The following EIF1AX variants were observed in gnomAD, a reference collection of about 807,000 sequenced individuals.
EIF1AX encodes the protein eukaryotic translation initiation factor 1A X-linked.
EIF1AX carries 1 observed loss-of-function variant against 16.1 expected under a neutral mutation model. The observed-to-expected ratio is 0.06, with a 90% CI of 0.02 to 0.30. The LOEUF (loss-of-function observed/expected upper bound fraction) is 0.30. EIF1AX is among the 10% of genes least tolerant of loss of function. EIF1AX has a pLI of 1.00. For missense variants in EIF1AX, 11 were observed against 109.1 expected (o/e 0.10, Z 4.00); for synonymous variants, 32 against 37.3 (o/e 0.86, Z 0.51).
intron 1 of EIF1AX, among the ~76,000 whole-genome samples, chrX:20,141,274 G>T (rs2067033212): frequency 9.0e-6 from 1 of 111,590 alleles, no homozygotes; most frequent in Admixed American, 9.4e-5. Context: ...GCCCGGGAAG[G>T]CCAAAGGGGC....
intron 2 of EIF1AX, among the ~76,000 whole-genome samples, chrX:20,137,534 T>C (rs1487450612): frequency 2.7e-5 from 3 of 111,986 alleles, no homozygotes; most frequent in Non-Finnish European, 5.6e-5. Context: ...GCACTAATAC[T>C]GCAACTTTCT....
intron 3 of EIF1AX, among the ~76,000 whole-genome samples, chrX:20,134,661 C>T (rs1191845719): frequency 9.1e-6 from 1 of 110,469 alleles, no homozygotes; most frequent in Admixed American, 9.6e-5. Flanking sequence ...ACACTTGAAT[C>T]TGGGAGGCGG....
chrX:20,131,391 G>A (rs2067000737), intron 5 of EIF1AX, among the ~76,000 whole-genome samples: 1 of 111,041 alleles, frequency 9.0e-6, no homozygotes, highest in South Asian at 3.8e-4. Flanking sequence ...CGAGCACTTT[G>A]GTAGGCAGAG....
At chrX:20,134,960 A>G (rs985338430) in intron 3 of EIF1AX, among the ~76,000 whole-genome samples, 1 of 111,778 alleles carries the variant, frequency 8.9e-6, no homozygotes, top group Non-Finnish European at 1.9e-5. Flanking sequence ...CAATGCTTAT[A>G]TAACTCATAT....
rs753409110 is a variant in EIF1AX at position 20,134,181 on chromosome X, G to A, written c.205-174C>T. On this transcript the variant is annotated intron_variant, in intron 3 of 6. Transcript: ENST00000379607. The stretch of plus-strand genomic sequence containing the variant: ...GTGGGCGGATCACCTGAGGTCAGGA[G>A]TTCGAGACCATCCTGGCCAACATGG... Among the ~76,000 whole-genome samples the A allele has an allele frequency of 2.7e-5, 3 of 112,149 alleles. No homozygotes were observed. In the East Asian group the frequency reaches 8.4e-4, roughly 31 times the overall value.
At chrX:20,129,573 C>T (rs892542307) in intron 6 of EIF1AX, among the ~76,000 whole-genome samples, 2 of 112,497 alleles carry the variant, frequency 1.8e-5, no homozygotes, top group African/African-American at 6.5e-5. Context: ...CATTCAATTA[C>T]AGTAACAGCA....
chrX:20,140,725 G>T (rs2067031383), intron 1 of EIF1AX, among the ~76,000 whole-genome samples: 1 of 111,956 alleles, frequency 8.9e-6, no homozygotes, highest in Non-Finnish European at 1.9e-5. Context: ...TCTCCTGTAG[G>T]AAAATACAGT....
At chrX:20,141,218 G>A (rs940806931) in intron 1 of EIF1AX, among the ~76,000 whole-genome samples, 1 of 111,297 alleles carries the variant, frequency 9.0e-6, no homozygotes, top group Admixed American at 9.5e-5. Context: ...AATGCAGACA[G>A]CACTCTGAAA....
intron 6 of EIF1AX, among the ~76,000 whole-genome samples, chrX:20,128,966 C>A (rs2066993259): frequency 9.1e-6 from 1 of 109,330 alleles, no homozygotes; most frequent in Non-Finnish European, 1.9e-5. Context: ...GCCTTCTACC[C>A]CTGCTCAGAT....
intron 1 of EIF1AX, among the ~76,000 whole-genome samples, chrX:20,141,303 C>A (rs1297850990): frequency 8.9e-6 from 1 of 111,832 alleles, no homozygotes; most frequent in Non-Finnish European, 1.9e-5. Flanking sequence ...TAAACCTAGG[C>A]CGCCCCGGGG....
intron 3 of EIF1AX, among the ~76,000 whole-genome samples, chrX:20,135,138 A>T (rs1031583225): frequency 1.9e-5 from 2 of 103,094 alleles, no homozygotes; most frequent in Non-Finnish European, 3.9e-5. Context: ...TCATGACAGT[A>T]ACATTGCATT....
intron 3 of EIF1AX, among the ~76,000 whole-genome samples, chrX:20,135,109 T>TG (rs1164610739): frequency 9.2e-6 from 1 of 108,374 alleles, no homozygotes; most frequent in African/African-American, 3.4e-5. Flanking sequence ...GCTTTTTTTT[T>TG]TTTTTTTTTT....
chrX:20,141,374 G>T (rs1292732305), intron 1 of EIF1AX, among the ~76,000 whole-genome samples: 1 of 111,845 alleles, frequency 8.9e-6, no homozygotes, highest in Admixed American at 9.4e-5. Context: ...AGGAGCAAAA[G>T]CCCACATTCT....
At chrX:20,131,016 A>AT (rs969155750) in intron 5 of EIF1AX, among the ~76,000 whole-genome samples, 2 of 112,224 alleles carry the variant, frequency 1.8e-5, no homozygotes, top group African/African-American at 6.5e-5. Flanking sequence ...TCCTATATAC[A>AT]TTAACATTTC....
chrX:20,133,722 T>C (rs1353095440), intron 4 of EIF1AX, among the ~76,000 whole-genome samples: 4 of 111,711 alleles, frequency 3.6e-5, no homozygotes, highest in Non-Finnish European at 5.6e-5. Flanking sequence ...TATGTTGTGA[T>C]GTGTATTGTA....
intron 4 of EIF1AX, among the ~76,000 whole-genome samples, chrX:20,132,743 C>G (rs1191474806): frequency 8.9e-6 from 1 of 112,106 alleles, no homozygotes; most frequent in African/African-American, 3.2e-5. Flanking sequence ...GCTTTTATAT[C>G]TTCTGAAGAC....
intron 1 of EIF1AX, chrX:20,139,883 G>A (rs996136539): frequency 8.9e-6 from 1 of 111,958 alleles, no homozygotes; most frequent in Non-Finnish European, 1.9e-5. Flanking sequence ...TGGGTTCCCA[G>A]GTATATCATG....
Position 20,125,356 on chromosome X carries a change from A to G in EIF1AX, c.*2950T>C, listed in dbSNP as rs2066982146. The stretch of plus-strand genomic sequence containing the variant: ...ATTTTGCTCTTTTCTGAATAGGAAG[A>G]AAAAAAGCAAAGATAAAAAGGATGG... On this transcript the variant is annotated 3_prime_UTR_variant, in exon 7 of 7. Coordinates refer to ENST00000379607, the MANE Select transcript of EIF1AX (RefSeq NM_001412.4). 5.8e-6 allele frequency: 1 copy of G among 171,965 alleles called. No homozygotes were observed. The highest frequency in any genetic ancestry group is 1.1e-5 in the Non-Finnish European group (1 of 89,144). 14.2% of individuals were successfully genotyped at this position (171,965 alleles called of 1,213,427 possible).
At chrX:20,132,386 T>C in intron 4 of EIF1AX, 123 bp from the exon 5 acceptor site, 1 of 507,966 alleles carries the variant, frequency 2.0e-6, no homozygotes, top group Non-Finnish European at 3.1e-6. Context: ...TTTCTCCTTT[T>C]AAATTTTAAA....
Sources: gnomAD v4.1 joint callset for allele counts (sites outside exome capture counted in the v4.1 genomes callset) on GRCh38, gnomAD v4.1.1 for gene constraint, MANE v1.5 for transcripts, NCBI Gene and HGNC (gene_info 2026-07-23, HGNC 2026-07-21) for gene names.